PPP1R1C: variants seen among roughly 807,000 people sequenced by gnomAD.
PPP1R1C encodes the protein protein phosphatase 1 regulatory subunit 1C.
PPP1R1C carries 15 observed loss-of-function variants against 17.4 expected under a neutral mutation model. The ratio of observed to expected loss-of-function variants is 0.86; its 90% CI spans 0.58 to 1.33. PPP1R1C has a LOEUF of 1.33. PPP1R1C is among the 40% of genes most tolerant of loss of function. The probability of loss-of-function intolerance (pLI) is 0.00; values close to 1 mark genes in which losing one functional copy is unlikely to be tolerated. For synonymous variants in PPP1R1C, 35 were observed against 43.1 expected (o/e 0.81, Z 0.73); for missense variants, 143 against 130.0 (o/e 1.10, Z -0.48).
intron 2 of PPP1R1C, among the ~76,000 whole-genome samples, chr2:182,031,325 T>C (rs1430802007): frequency 6.6e-6 from 1 of 152,244 alleles, no homozygotes; most frequent in Non-Finnish European, 1.5e-5. Flanking sequence ...GATAGTAATA[T>C]TGAGTGGCTT....
chr2:182,093,891 G>C (rs1247262598), intron 4 of PPP1R1C, among the ~76,000 whole-genome samples: 1 of 152,146 alleles, frequency 6.6e-6, no homozygotes, highest in East Asian at 1.9e-4. Context: ...ACATTTTCCT[G>C]TCTTTTTCTG....
At chr2:181,971,670 G>T (rs906952663) in intron 1 of PPP1R1C, among the ~76,000 whole-genome samples, 1 of 152,160 alleles carries the variant, frequency 6.6e-6, no homozygotes, top group African/African-American at 2.4e-5. Flanking sequence ...GGCATAGATT[G>T]CCTTTCAGGT....
upstream of PPP1R1C, among the ~76,000 whole-genome samples, chr2:181,980,997 C>T (rs889416826): frequency 1.4e-5 from 2 of 146,266 alleles, no homozygotes; most frequent in African/African-American, 5.1e-5. Context: ...GGCGGGATCT[C>T]GGCTCACTGC....
intron 2 of PPP1R1C, among the ~76,000 whole-genome samples, chr2:182,009,306 T>A (rs939094868): frequency 6.6e-6 from 1 of 152,160 alleles, no homozygotes; most frequent in Non-Finnish European, 1.5e-5. Context: ...TTGCCTAACT[T>A]TTGGATAAAA....
rs1684929653 is a variant in PPP1R1C at position 181,967,775 on chromosome 2, G to A, written n.112-7444G>A. Among the ~76,000 whole-genome samples, 1 of 151,860 alleles carries A rather than the reference G, an allele frequency of 6.6e-6. No individual in the cohort carries two copies. The highest frequency in any genetic ancestry group is 1.5e-5 in the Non-Finnish European group (1 of 68,000). The stretch of plus-strand genomic sequence containing the variant: ...TTGTTGCCCAGGCTGGAGTGCAATG[G>A]CACATTCTTGGCTCACTGCAACCTC... On this transcript the variant is annotated intron_variant and non_coding_transcript_variant, in intron 1 of 5. Coordinates refer to the PPP1R1C transcript ENST00000464264. This position sits in a 1 kb window ranked among gnomAD's most constrained non-coding sequence, Gnocchi z 5.5.
In PPP1R1C at chr2:181,987,791, G is replaced by A. The variant is rs926156568; in HGVS notation, c.82-48G>A. On this transcript the variant is annotated intron_variant, in intron 1 of 4. Coordinates refer to ENST00000682840, the MANE Select transcript of PPP1R1C (RefSeq NM_001080545.3). ...TTTGCAAGCTGCAGAGTAACCTGGA[G>A]CAGTGTCTAATACTCACTGATATTA... The A allele has an allele frequency of 1.5e-5, 23 of 1,579,996 alleles. No homozygotes were observed. The Admixed American group carries it at 2.4e-4, about 16-fold the overall frequency.
chr2:182,007,531 C>T (rs988158179), intron 2 of PPP1R1C, among the ~76,000 whole-genome samples: 5 of 152,114 alleles, frequency 3.3e-5, no homozygotes, highest in Non-Finnish European at 4.4e-5. Flanking sequence ...GAGAATAACG[C>T]CACATTAAGG....
chr2:182,114,493 G>A (rs1689525063), intron 4 of PPP1R1C, among the ~76,000 whole-genome samples: 1 of 152,086 alleles, frequency 6.6e-6, no homozygotes, highest in Admixed American at 6.6e-5. Flanking sequence ...ATAGTCCTCA[G>A]CAGGCTTCTC....
rs1319925818 is a variant in PPP1R1C at position 182,076,181 on chromosome 2, C to CTTTTTTTTTTTTTTTTTT, written c.241+12400_241+12401insTTTTTTTTTTTTTTTTTT. Among the ~76,000 whole-genome samples the CTTTTTTTTTTTTTTTTTT allele has an allele frequency of 1.5e-4, 7 of 47,486 alleles. 3 individuals are homozygous for CTTTTTTTTTTTTTTTTTT. The highest frequency in any genetic ancestry group is 5.2e-4 in the African/African-American group (6 of 11,570). The allele number at this position is 47,486 out of a possible 152,430, so 31.2% of individuals were successfully genotyped here. A position where few individuals can be genotyped will look rare whatever the true frequency, so the allele number is the denominator to read the frequency against. On this transcript the variant is annotated intron_variant, in intron 4 of 4. Coordinates refer to ENST00000682840, the MANE Select transcript of PPP1R1C (RefSeq NM_001080545.3). ...TTATCTATAAATCAAGGATTTTGAACTTTTTTTTTTCTTTTCTTTTTTTTT... is the reference window on the plus strand; with the variant it reads ...TTATCTATAAATCAAGGATTTTGAACTTTTTTTTTTTTTTTTTTTTTTTTTTTTCTTTTCTTTTTTTTT...
intron 5 of PPP1R1C, among the ~76,000 whole-genome samples, chr2:182,126,949 CT>C: frequency 6.6e-6 from 1 of 151,970 alleles, no homozygotes. Flanking sequence ...TTTTTAATTT[CT>C]TACGCTATAA....
chr2:182,033,889 G>A (rs1312162965), intron 2 of PPP1R1C, among the ~76,000 whole-genome samples: 1 of 152,186 alleles, frequency 6.6e-6, no homozygotes. Context: ...CCAGGACGCA[G>A]AAAAGTTTTA....
intron 4 of PPP1R1C, among the ~76,000 whole-genome samples, chr2:182,087,496 C>T (rs1468781939): frequency 6.6e-6 from 1 of 152,170 alleles, no homozygotes; most frequent in African/African-American, 2.4e-5. Flanking sequence ...ACATATGATG[C>T]TTAATATCTG....
At chr2:182,013,656 T>A (rs976047245) in intron 2 of PPP1R1C, among the ~76,000 whole-genome samples, 5 of 152,126 alleles carry the variant, frequency 3.3e-5, no homozygotes, top group Admixed American at 6.5e-5. Context: ...TTTAAGACCA[T>A]CAACTCTTAG....
intron 2 of PPP1R1C, among the ~76,000 whole-genome samples, chr2:182,053,924 G>A (rs895087411): frequency 2.0e-5 from 3 of 152,008 alleles, no homozygotes; most frequent in Admixed American, 2.0e-4. Flanking sequence ...GGGACTACAG[G>A]TGCCTGCCAT....
chr2:182,044,264 G>A (rs879384684), intron 2 of PPP1R1C, among the ~76,000 whole-genome samples: 5 of 152,020 alleles, frequency 3.3e-5, no homozygotes, highest in Non-Finnish European at 7.4e-5. Flanking sequence ...CCCTTCATTG[G>A]TTTTCCATCA....
In PPP1R1C at chr2:181,961,281, G is replaced by T. The variant is rs1684778329; in HGVS notation, n.111+6647G>T. 1.3e-6 allele frequency: 1 copy of T among 747,644 alleles called. No individual in the cohort carries two copies. Among genetic ancestry groups the T allele is most frequent in the Admixed American group, 1.8e-5 (1 of 55,104 alleles). 46.3% of individuals were successfully genotyped at this position (747,644 alleles called of 1,614,324 possible). A position where few individuals can be genotyped will look rare whatever the true frequency, so the allele number is the denominator to read the frequency against. On this transcript the variant is annotated intron_variant and non_coding_transcript_variant, in intron 1 of 5. Coordinates refer to the PPP1R1C transcript ENST00000464264. The surrounding 1 kb of genome is among the most constrained non-coding windows in gnomAD (Gnocchi z 5.8). The stretch of plus-strand genomic sequence containing the variant: ...GTGGTGGTCTTTGGATGGTTTGCAT[G>T]GAGTTGCTGTTGTCCAGGGCATCAC...
chr2:182,000,179 G>C (rs1574365448), intron 2 of PPP1R1C, among the ~76,000 whole-genome samples: 1 of 152,118 alleles, frequency 6.6e-6, no homozygotes, highest in South Asian at 2.1e-4. Flanking sequence ...TCATTGTGAT[G>C]GTGGCCTTTG....
chr2:181,983,255 C>T (rs776111154), upstream of PPP1R1C, among the ~76,000 whole-genome samples: 2 of 152,114 alleles, frequency 1.3e-5, no homozygotes, highest in South Asian at 2.1e-4. Flanking sequence ...CAAAATTGCC[C>T]GGGTTTGAAA....
chr2:182,085,116 T>C (rs1291475505), intron 4 of PPP1R1C, among the ~76,000 whole-genome samples: 2 of 152,092 alleles, frequency 1.3e-5, no homozygotes, highest in East Asian at 1.9e-4. Context: ...CTGATTTGTG[T>C]ACATTGATTT....
Sources: gnomAD v4.1 joint callset for allele counts (sites outside exome capture counted in the v4.1 genomes callset) on GRCh38, gnomAD v4.1.1 for gene constraint, Gnocchi (gnomAD v3.1) non-coding constraint, MANE v1.5 for transcripts, NCBI Gene and HGNC (gene_info 2026-07-23, HGNC 2026-07-21) for gene names.